The following CBFA2T2 variants were observed in gnomAD, a reference collection of about 807,000 sequenced individuals.
CBFA2T2 encodes the protein CBFA2/RUNX1 partner transcriptional co-repressor 2.
CBFA2T2 carries 11 observed loss-of-function variants against 62.2 expected under a neutral mutation model. The ratio of observed to expected loss-of-function variants is 0.18; its 90% CI spans 0.11 to 0.29. The LOEUF (loss-of-function observed/expected upper bound fraction) is 0.29, where lower values mean the gene tolerates loss of function less well. Ranked by LOEUF, CBFA2T2 falls within the 10% of genes least tolerant of loss-of-function variation. The probability of loss-of-function intolerance (pLI) is 1.00; values close to 1 mark genes in which losing one functional copy is unlikely to be tolerated. For missense variants in CBFA2T2, 592 were observed against 774.1 expected (o/e 0.76, Z 2.79); for synonymous variants, 295 against 287.5 (o/e 1.03, Z -0.27).
rs370737889 is a variant in CBFA2T2, at chr20:33,623,190, G to A, written c.586G>A (p.Ala196Thr). Residue 196 changes from alanine (A) to threonine (T), a missense_variant, in exon 5 of 11, where the codon GCT (alanine) becomes ACT (threonine). Physicochemically the swap from Ala to Thr is moderately conservative, Grantham distance 58 (BLOSUM62 0). Coordinates refer to ENST00000342704, the MANE Select transcript of CBFA2T2 (RefSeq NM_001032999.3). Reference sequence around the variant, plus strand: ...CAAGCAGACCCCATCCCAGTACCTGGCTCAGCACGAACACCTTCTGCTCAA... The same window carrying A: ...CAAGCAGACCCCATCCCAGTACCTGACTCAGCACGAACACCTTCTGCTCAA... ...AAKQTPSQYLAQHEHLLLNTS... is the reference protein window; with the variant it reads ...AAKQTPSQYLTQHEHLLLNTS... 7.4e-6 allele frequency: 12 copies of A among 1,614,100 alleles called. No individual in the cohort carries two copies. Among genetic ancestry groups the A allele is most frequent in the Non-Finnish European group, 1.0e-5 (12 of 1,180,042 alleles).
intron 1 of CBFA2T2, among the ~76,000 whole-genome samples, chr20:33,604,970 A>G (rs2015285061): frequency 6.6e-6 from 1 of 152,230 alleles, no homozygotes; most frequent in Non-Finnish European, 1.5e-5. Context: ...ACGACCATCA[A>G]TTTCACAAAG....
At position 33,623,129 on chromosome 20, in the gene CBFA2T2, G is replaced by C. The variant is rs780710571; in HGVS notation, c.525G>C (p.Leu175=). 6.2e-7 allele frequency: 1 copy of C among 1,614,208 alleles called. No individual in the cohort carries two copies. The highest frequency in any genetic ancestry group is 8.5e-7 in the Non-Finnish European group (1 of 1,180,034). The change falls in exon 5 of 11, where the codon CTG becomes CTC. Residue 175 remains leucine, a synonymous_variant. Coordinates refer to ENST00000342704, the MANE Select transcript of CBFA2T2 (RefSeq NM_001032999.3). ...VIPFLKANLP[L]LQRELLHCAR... is the part of the protein sequence containing the mutation. ...TTCCTTTCAAGGCCAACCTGCCCCT[G>C]CTGCAGCGGGAACTGCTGCACTGCG...
At chr20:33,590,382 C>T (rs1395279024) in intron 1 of CBFA2T2, among the ~76,000 whole-genome samples, 5 of 151,962 alleles carry the variant, frequency 3.3e-5, no homozygotes, top group Admixed American at 2.0e-4. Flanking sequence ...GCTTAATTAG[C>T]GGCAACTCTT....
intron 10 of CBFA2T2, among the ~76,000 whole-genome samples, chr20:33,643,037 C>T (rs906358030): frequency 1.3e-5 from 2 of 152,192 alleles, no homozygotes; most frequent in South Asian, 2.1e-4. Context: ...TGGACCAAAA[C>T]GGCTGATTCT....
intron 1 of CBFA2T2, among the ~76,000 whole-genome samples, chr20:33,526,559 T>TA (rs1344386121): frequency 6.6e-6 from 1 of 152,228 alleles, no homozygotes; most frequent in Non-Finnish European, 1.5e-5. Context: ...TACTGGTTTT[T>TA]ATGTGGACAC....
chr20:33,563,404 C>T (rs1405878125), intron 1 of CBFA2T2, among the ~76,000 whole-genome samples: 1 of 152,142 alleles, frequency 6.6e-6, no homozygotes, highest in East Asian at 1.9e-4. Context: ...ATGGGTCTCA[C>T]TGTGTTGCCC....
chr20:33,558,868 T>C (rs924267010), intron 1 of CBFA2T2, among the ~76,000 whole-genome samples: 1 of 152,026 alleles, frequency 6.6e-6, no homozygotes, highest in Non-Finnish European at 1.5e-5. Context: ...TTCGGGTACA[T>C]GTGCAGCTTT....
Position 33,554,492 on chromosome 20 carries a change from G to A in CBFA2T2, c.35-52464G>A, listed in dbSNP as rs145043143. ...TCGAACTCCTGACCTCAAGTGATCT[G>A]CCCACCTCAGCCTCCTAAATTGCTG... On this transcript the variant is annotated intron_variant, in intron 1 of 10. Transcript: ENST00000342704. Among the ~76,000 whole-genome samples, 76 of 151,306 alleles carry A rather than the reference G, an allele frequency of 5.0e-4. No homozygotes were observed. In the Middle Eastern group the frequency reaches 0.017, roughly 35 times the overall value.
intron 8 of CBFA2T2, among the ~76,000 whole-genome samples, chr20:33,630,132 T>C (rs1180990005): frequency 1.3e-5 from 2 of 152,058 alleles, no homozygotes; most frequent in African/African-American, 2.4e-5. Context: ...TTGTTTTGGA[T>C]AGACAGGATC....
intron 1 of CBFA2T2, among the ~76,000 whole-genome samples, chr20:33,555,717 A>C (rs1600965349): frequency 6.6e-6 from 1 of 152,236 alleles, no homozygotes; most frequent in Non-Finnish European, 1.5e-5. Context: ...CATACTATTA[A>C]CCTGATTCAC....
chr20:33,604,548 C>T (rs2015264889), intron 1 of CBFA2T2, among the ~76,000 whole-genome samples: 1 of 152,216 alleles, frequency 6.6e-6, no homozygotes, highest in Non-Finnish European at 1.5e-5. Context: ...AAGTATCAAT[C>T]TGTAAACAGT....
At chr20:33,588,743 TCGA>T (rs2014486079) in intron 1 of CBFA2T2, among the ~76,000 whole-genome samples, 1 of 152,106 alleles carries the variant, frequency 6.6e-6, no homozygotes, top group South Asian at 2.1e-4. Flanking sequence ...GGTCAAGAGT[TCGA>T]GACCAGCTTG....
At chr20:33,592,575 C>T (rs942542348) in intron 1 of CBFA2T2, among the ~76,000 whole-genome samples, 3 of 151,744 alleles carry the variant, frequency 2.0e-5, no homozygotes, top group Admixed American at 1.3e-4. Flanking sequence ...ATTCATGCAA[C>T]ATCGCCAGGC....
intron 1 of CBFA2T2, among the ~76,000 whole-genome samples, chr20:33,593,948 G>T (rs1343526657): frequency 6.6e-6 from 1 of 152,298 alleles, no homozygotes; most frequent in South Asian, 2.1e-4. Context: ...TCAAGCCAAG[G>T]TAAGTTTATG....
At chr20:33,525,703 G>A (rs771900624) in intron 1 of CBFA2T2, among the ~76,000 whole-genome samples, 3 of 152,078 alleles carry the variant, frequency 2.0e-5, no homozygotes, top group Admixed American at 1.3e-4. Context: ...CCAGATTGGA[G>A]TGCAGTGGTA....
At chr20:33,569,377 T>A (rs927040030) in intron 1 of CBFA2T2, among the ~76,000 whole-genome samples, 2 of 152,246 alleles carry the variant, frequency 1.3e-5, no homozygotes, top group African/African-American at 4.8e-5. Context: ...AGTTTACTCA[T>A]TAGAATAAAT....
intron 1 of CBFA2T2, among the ~76,000 whole-genome samples, chr20:33,599,786 G>A (rs1169198800): frequency 2.0e-5 from 3 of 152,032 alleles, no homozygotes; most frequent in African/African-American, 7.3e-5. Flanking sequence ...TAGAAACGGG[G>A]TTTCACCATG....
chr20:33,535,602 A>ATT (rs201029926), intron 1 of CBFA2T2, among the ~76,000 whole-genome samples: 1 of 138,510 alleles, frequency 7.2e-6, no homozygotes, highest in Admixed American at 7.4e-5. Flanking sequence ...ATTGAGTTTT[A>ATT]TTTTTATTTT....
intron 8 of CBFA2T2, among the ~76,000 whole-genome samples, chr20:33,634,045 T>C (rs992809066): frequency 2.0e-5 from 3 of 152,212 alleles, no homozygotes; most frequent in Non-Finnish European, 4.4e-5. Flanking sequence ...CTCGGCTCAC[T>C]GCAACCTCCG....
Sources: gnomAD v4.1 joint callset for allele counts (sites outside exome capture counted in the v4.1 genomes callset) on GRCh38, gnomAD v4.1.1 for gene constraint, MANE v1.5 for transcripts, NCBI Gene and HGNC (gene_info 2026-07-23, HGNC 2026-07-21) for gene names.